The following SPMIP3 variants were observed in gnomAD, a reference collection of about 807,000 sequenced individuals.
SPMIP3 encodes the protein sperm microtubule inner protein 3, also known as protein SPMIP3.
the SPMIP3 span, among the ~76,000 whole-genome samples, chr1:244,361,070 G>C: frequency 6.6e-6 from 1 of 152,024 alleles, no homozygotes; most frequent in African/African-American, 2.4e-5. Flanking sequence ...ACGGAGAGTA[G>C]AATGATGGTT....
the SPMIP3 span, among the ~76,000 whole-genome samples, chr1:244,361,826 GTGGGGGC>G: frequency 6.6e-6 from 1 of 152,214 alleles, no homozygotes; most frequent in East Asian, 1.9e-4. Context: ...CAAAGGGATA[GTGGGGGC>G]TGTCTTTGTT....
At chr1:244,383,456 G>A in the SPMIP3 span, among the ~76,000 whole-genome samples, 1 of 151,976 alleles carries the variant, frequency 6.6e-6, no homozygotes, top group African/African-American at 2.4e-5. Context: ...GCTGCATGAG[G>A]TATGATTATA....
the SPMIP3 span, among the ~76,000 whole-genome samples, chr1:244,352,893 G>A: frequency 6.6e-6 from 1 of 152,126 alleles, no homozygotes; most frequent in Admixed American, 6.5e-5. Flanking sequence ...AATGTCTTTT[G>A]GAAAGTGAAT....
At chr1:244,368,987 G>A in the SPMIP3 span, among the ~76,000 whole-genome samples, 16 of 152,176 alleles carry the variant, frequency 1.1e-4, no homozygotes, top group East Asian at 7.7e-4. Context: ...GTAAAACCCC[G>A]TCTCTACTAA....
At chr1:244,389,051 T>C in the SPMIP3 span, 1 of 1,613,094 alleles carries the variant, frequency 6.2e-7, no homozygotes. Flanking sequence ...TTGAAAGAAA[T>C]GCTTTTAAAC....
chr1:244,360,556 A>ACACG, the SPMIP3 span, among the ~76,000 whole-genome samples: 1 of 24,226 alleles, frequency 4.1e-5, no homozygotes, highest in Non-Finnish European at 1.4e-4. Flanking sequence ...ACACACACAC[A>ACACG]CATGCATGCA....
At chr1:244,364,924 G>T in the SPMIP3 span, among the ~76,000 whole-genome samples, 1 of 152,142 alleles carries the variant, frequency 6.6e-6, no homozygotes. Flanking sequence ...CAAACCTACC[G>T]GCAAAAGTCA....
the SPMIP3 span, among the ~76,000 whole-genome samples, chr1:244,357,470 G>A: frequency 6.6e-6 from 1 of 152,044 alleles, no homozygotes; most frequent in Non-Finnish European, 1.5e-5. Context: ...AGCACTTTGG[G>A]GGGGCCAAGG....
the SPMIP3 span, among the ~76,000 whole-genome samples, chr1:244,370,044 C>T: frequency 6.6e-6 from 1 of 152,166 alleles, no homozygotes; most frequent in East Asian, 1.9e-4. Context: ...TTACAGGCTA[C>T]TCTTTGTTAG....
chr1:244,380,468 CTG>C, the SPMIP3 span, among the ~76,000 whole-genome samples: 1 of 152,174 alleles, frequency 6.6e-6, no homozygotes. Flanking sequence ...GGCTCTTACA[CTG>C]TGGCAGGCAC....
At chr1:244,366,798 T>G in the SPMIP3 span, among the ~76,000 whole-genome samples, 5 of 152,088 alleles carry the variant, frequency 3.3e-5, no homozygotes, top group East Asian at 1.9e-4. Context: ...GAGAATCGCT[T>G]GAACCCAGGA....
chr1:244,375,577 A>G, the SPMIP3 span: 1 of 679,826 alleles, frequency 1.5e-6, no homozygotes, highest in Non-Finnish European at 2.4e-6. Flanking sequence ...GATGATAGCA[A>G]AAATAATAAT....
chr1:244,355,500 G>A, the SPMIP3 span, among the ~76,000 whole-genome samples: 1 of 151,942 alleles, frequency 6.6e-6, no homozygotes, highest in Non-Finnish European at 1.5e-5. Context: ...CGATTCTCCT[G>A]CCTCAGCCTC....
the SPMIP3 span, among the ~76,000 whole-genome samples, chr1:244,386,623 A>G: frequency 6.6e-6 from 1 of 152,220 alleles, no homozygotes; most frequent in Non-Finnish European, 1.5e-5. Context: ...TTAGAAGGCC[A>G]TCATTGCTAT....
chr1:244,364,896 C>A, the SPMIP3 span: 1 of 916,692 alleles, frequency 1.1e-6, no homozygotes, highest in Non-Finnish European at 1.7e-6. Flanking sequence ...TGGATATTTC[C>A]TGATGAGCAG....
the SPMIP3 span, among the ~76,000 whole-genome samples, chr1:244,374,063 A>C: frequency 6.6e-6 from 1 of 152,094 alleles, no homozygotes; most frequent in Non-Finnish European, 1.5e-5. Context: ...CAGTGAGCTG[A>C]GATTGGGCCA....
At chr1:244,380,164 T>C in the SPMIP3 span, among the ~76,000 whole-genome samples, 2 of 145,860 alleles carry the variant, frequency 1.4e-5, no homozygotes, top group Non-Finnish European at 3.0e-5. Flanking sequence ...AGTTTCACTC[T>C]GTCGCCCAGG....
chr1:244,363,044 G>T, the SPMIP3 span, among the ~76,000 whole-genome samples: 1 of 150,884 alleles, frequency 6.6e-6, no homozygotes, highest in Non-Finnish European at 1.5e-5. Flanking sequence ...TAGAGTTGGG[G>T]TCTCACCACT....
the SPMIP3 span, among the ~76,000 whole-genome samples, chr1:244,365,632 G>T: frequency 6.6e-6 from 1 of 152,154 alleles, no homozygotes; most frequent in African/African-American, 2.4e-5. Context: ...AAGCCAACAT[G>T]GTGAATTAGC....
Sources: gnomAD v4.1 joint callset for allele counts (sites outside exome capture counted in the v4.1 genomes callset) on GRCh38, gnomAD v4.1.1 for gene constraint, MANE v1.5 for transcripts, NCBI Gene and HGNC (gene_info 2026-07-23, HGNC 2026-07-21) for gene names.